The following TCF7L2 variants were observed in gnomAD, a reference collection of about 807,000 sequenced individuals.
TCF7L2 encodes transcription factor 7-like 2.
A neutral mutation model predicts 77.9 loss-of-function variants in TCF7L2; 23 were observed. That is an observed-to-expected ratio of 0.30 (90% CI 0.21 to 0.42). The LOEUF is 0.42. TCF7L2 is among the 10% of genes least tolerant of loss of function. TCF7L2 has a pLI of 1.00. For synonymous variants in TCF7L2, 413 were observed against 340.2 expected, an observed-to-expected ratio of 1.21 and a Z score of -2.36; for missense variants, 654 against 793.1, an observed-to-expected ratio of 0.82 and a Z score of 2.11.
chr10:113,076,398 A>C (rs1487608948), intron 5 of TCF7L2, among the ~76,000 whole-genome samples: 2 of 152,146 alleles, frequency 1.3e-5, no homozygotes, highest in African/African-American at 4.8e-5. Flanking sequence ...TTTGCCTCCC[A>C]AAGTGCTGGG....
At position 113,017,268 on chromosome 10, in the gene TCF7L2, C is replaced by A. The variant is rs920478507; in HGVS notation, c.451-22757C>A. Among the ~76,000 whole-genome samples the A allele has an allele frequency of 2.0e-5, 3 of 152,192 alleles. No individual in the cohort carries two copies. The South Asian group carries it at 6.2e-4, about 32-fold the overall frequency. On this transcript the variant is annotated intron_variant, in intron 4 of 13. Coordinates refer to ENST00000627217, the MANE Select transcript of TCF7L2 (RefSeq NM_001146274.2). ...GTAATATCTGGGGCAGAGCCTGAGA[C>A]TTTTCTCATTGATTTCCTCTGTGAG...
At chr10:113,056,913 GTCTCATCCAAACA>G (rs1391796076) in intron 5 of TCF7L2, among the ~76,000 whole-genome samples, 2 of 152,166 alleles carry the variant, frequency 1.3e-5, no homozygotes, top group Non-Finnish European at 2.9e-5. Context: ...CTACAGAGCG[GTCTCATCCAAACA>G]TCTCCCAGAC....
At chr10:113,013,175 G>A (rs1194852097) in intron 4 of TCF7L2, among the ~76,000 whole-genome samples, 1 of 146,516 alleles carries the variant, frequency 6.8e-6, no homozygotes, top group Non-Finnish European at 1.5e-5. Flanking sequence ...CTGGAGTGCA[G>A]TGGCGTGATC....
At chr10:113,107,774 A>AAAC (rs1564904323) in intron 5 of TCF7L2, among the ~76,000 whole-genome samples, 71 of 149,886 alleles carry the variant, frequency 4.7e-4, no homozygotes, top group Admixed American at 6.8e-4. Flanking sequence ...AAAAAAAAAA[A>AAAC]AACAACAAAA....
intron 5 of TCF7L2, among the ~76,000 whole-genome samples, chr10:113,096,877 GAGAA>G (rs1173839177): frequency 6.6e-6 from 1 of 152,180 alleles, no homozygotes; most frequent in Admixed American, 6.5e-5. Context: ...GAAGACACCA[GAGAA>G]AGAAGAAATA....
intron 5 of TCF7L2, among the ~76,000 whole-genome samples, chr10:113,095,841 A>G (rs2060900643): frequency 6.6e-6 from 1 of 152,144 alleles, no homozygotes; most frequent in Non-Finnish European, 1.5e-5. Context: ...AGCCCACTTG[A>G]CACCCCCCAG....
At chr10:112,974,012 G>C (rs1359777336) in intron 4 of TCF7L2, among the ~76,000 whole-genome samples, 2 of 152,190 alleles carry the variant, frequency 1.3e-5, no homozygotes, top group Admixed American at 1.3e-4. Context: ...TTACCACTTG[G>C]TGGACACGGG....
chr10:113,126,893 C>A, intron 5 of TCF7L2: 4 of 985,396 alleles, frequency 4.1e-6, no homozygotes, highest in Non-Finnish European at 4.8e-6. Context: ...TAAGCGCGGC[C>A]GGCGGCGGGC....
intron 4 of TCF7L2, among the ~76,000 whole-genome samples, chr10:113,028,634 C>CT (rs1488563836): frequency 6.6e-6 from 1 of 152,170 alleles, no homozygotes; most frequent in Non-Finnish European, 1.5e-5. Context: ...CATTTGCTGT[C>CT]TATGTAGACT....
chr10:112,961,253 G>GACCGCC (rs2035050194), intron 3 of TCF7L2, among the ~76,000 whole-genome samples: 2 of 49,764 alleles, frequency 4.0e-5, no homozygotes. Flanking sequence ...GACCTCAGGT[G>GACCGCC]ACCCCCCCCC....
chr10:113,150,446 T>G (rs897740466), intron 8 of TCF7L2, among the ~76,000 whole-genome samples: 7 of 152,152 alleles, frequency 4.6e-5, no homozygotes, highest in Non-Finnish European at 1.0e-4. Context: ...CTCCCATTCC[T>G]GTCAAATGAT....
chr10:112,979,946 A>G (rs2040171839), intron 4 of TCF7L2, among the ~76,000 whole-genome samples: 1 of 152,202 alleles, frequency 6.6e-6, no homozygotes, highest in South Asian at 2.1e-4. Context: ...GACCTGCCCA[A>G]TGGGAGTCTT....
At chr10:113,023,722 G>A (rs2048616156) in intron 4 of TCF7L2, among the ~76,000 whole-genome samples, 1 of 151,782 alleles carries the variant, frequency 6.6e-6, no homozygotes, top group Admixed American at 6.6e-5. Flanking sequence ...AGGCTGGAGT[G>A]CAATGGCGTG....
At chr10:112,988,068 T>G (rs781702583) in intron 4 of TCF7L2, among the ~76,000 whole-genome samples, 4 of 148,318 alleles carry the variant, frequency 2.7e-5, no homozygotes, top group Non-Finnish European at 5.9e-5. Context: ...AAGATAACAC[T>G]TATCAGAGGA....
intron 4 of TCF7L2, among the ~76,000 whole-genome samples, chr10:112,985,652 C>G (rs551042922): frequency 6.6e-6 from 1 of 152,260 alleles, no homozygotes; most frequent in South Asian, 2.1e-4. Context: ...TGTTTAGGAG[C>G]AAGAGGCTGG....
At chr10:113,060,287 A>C (rs2056217447) in intron 5 of TCF7L2, among the ~76,000 whole-genome samples, 1 of 152,216 alleles carries the variant, frequency 6.6e-6, no homozygotes, top group Non-Finnish European at 1.5e-5. Flanking sequence ...AATTTACTTG[A>C]TTCGAGAAAC....
At chr10:112,953,089 G>T (rs971662860) in intron 3 of TCF7L2, among the ~76,000 whole-genome samples, 3 of 152,114 alleles carry the variant, frequency 2.0e-5, no homozygotes, top group Non-Finnish European at 4.4e-5. Flanking sequence ...CGGTGCTAAT[G>T]GCCGAGGGCT....
rs114601595 is a variant in TCF7L2, at chr10:113,009,254, C to T, written c.451-30771C>T. Among the ~76,000 whole-genome samples, 1,160 of 152,262 alleles carry T rather than the reference C, an allele frequency of 7.6e-3. 15 individuals are homozygous for T. Among genetic ancestry groups the T allele is most frequent in the African/African-American group, 0.027 (1,112 of 41,526 alleles). ...AATAAAGATACTCCTTCCAAGTTGT[C>T]CTGATTTTCAGGTCATCACCATTTT... On this transcript the variant is annotated intron_variant, in intron 4 of 13. Coordinates refer to ENST00000627217, the MANE Select transcript of TCF7L2 (RefSeq NM_001146274.2).
At chr10:112,989,157 A>G (rs773100884) in intron 4 of TCF7L2, among the ~76,000 whole-genome samples, 1 of 152,070 alleles carries the variant, frequency 6.6e-6, no homozygotes, top group Non-Finnish European at 1.5e-5. Flanking sequence ...GAATAATCAG[A>G]TGTAGGTTCC....
Sources: gnomAD v4.1 joint callset for allele counts (sites outside exome capture counted in the v4.1 genomes callset) on GRCh38, gnomAD v4.1.1 for gene constraint, MANE v1.5 for transcripts, NCBI Gene and HGNC (gene_info 2026-07-23, HGNC 2026-07-21) for gene names.